ACVR1B: variants seen among roughly 807,000 people sequenced by gnomAD.
ACVR1B encodes activin receptor type-1B.
In ACVR1B, 15 loss-of-function variants were observed where a neutral mutation model predicts 55.6. That is an observed-to-expected ratio of 0.27 (90% CI 0.18 to 0.42). The LOEUF (loss-of-function observed/expected upper bound fraction) is 0.42. Among genes scored for constraint, ACVR1B ranks in the 10% least tolerant of loss-of-function variants. ACVR1B has a pLI of 1.00. For synonymous variants in ACVR1B, 247 were observed against 254.6 expected (o/e 0.97, Z 0.28); for missense variants, 359 against 670.1 (o/e 0.54, Z 5.13).
At chr12:51,983,881 G>A (rs1394539613) in intron 4 of ACVR1B, 118 bp from the exon 5 acceptor site, 14 of 1,023,182 alleles carry the variant, frequency 1.4e-5, no homozygotes, top group Non-Finnish European at 1.7e-5. Context: ...CATGGAGGTG[G>A]GAAATGTGAA....
intron 1 of ACVR1B, among the ~76,000 whole-genome samples, chr12:51,964,989 G>GA (rs1941612254): frequency 6.7e-6 from 1 of 149,540 alleles, no homozygotes; most frequent in Non-Finnish European, 1.5e-5. Context: ...TTCATTTCTG[G>GA]AAAAAAACAA....
At chr12:51,966,530 C>T (rs1018509234) in intron 1 of ACVR1B, among the ~76,000 whole-genome samples, 1 of 152,214 alleles carries the variant, frequency 6.6e-6, no homozygotes, top group Non-Finnish European at 1.5e-5. Flanking sequence ...CTCACTTCAG[C>T]TTCAGTCTCC....
intron 1 of ACVR1B, among the ~76,000 whole-genome samples, chr12:51,971,251 T>G (rs1324148617): frequency 6.6e-6 from 1 of 152,274 alleles, no homozygotes; most frequent in African/African-American, 2.4e-5. Flanking sequence ...ATTTACATCC[T>G]ACCACAAACC....
intron 3 of ACVR1B, among the ~76,000 whole-genome samples, chr12:51,978,659 G>T (rs1044977562): frequency 6.7e-6 from 1 of 148,370 alleles, no homozygotes; most frequent in Non-Finnish European, 1.5e-5. Context: ...GTGAAACCCT[G>T]TCTCTACTAA....
chr12:51,993,899 G>A, intron 8 of ACVR1B, 86 bp from the exon 9 acceptor site: 1 of 1,556,946 alleles, frequency 6.4e-7, no homozygotes, highest in Non-Finnish European at 8.7e-7. Flanking sequence ...TGAGCGGGAG[G>A]TGGCAGGGAA....
intron 4 of ACVR1B, among the ~76,000 whole-genome samples, chr12:51,982,275 T>G (rs568435659): frequency 6.6e-6 from 1 of 152,304 alleles, no homozygotes; most frequent in Non-Finnish European, 1.5e-5. Flanking sequence ...GCAAGTAACT[T>G]GGATGGCTGT....
In ACVR1B at chr12:51,985,307, C is replaced by T. The variant is rs756180496; in HGVS notation, c.1095C>T (p.Asp365=). 6 of 1,613,484 alleles carry T rather than the reference C, an allele frequency of 3.7e-6. No individual in the cohort carries two copies. In the Admixed American group the frequency reaches 8.3e-5, roughly 22 times the overall value. Residue 365 remains aspartate (D), a synonymous_variant, in exon 6 of 9, where the codon GAC becomes GAT. Coordinates refer to ENST00000257963, the MANE Select transcript of ACVR1B (RefSeq NM_004302.5). ...CTGTCCGTCATGATGCAGTCACTGA[C>T]ACCATTGACATTGCCCCGAATCAGA... ...GLAVRHDAVT[D]TIDIAPNQRV... is the part of the protein sequence containing the mutation.
intron 4 of ACVR1B, among the ~76,000 whole-genome samples, chr12:51,981,885 G>A (rs1941987976): frequency 6.6e-6 from 1 of 152,170 alleles, no homozygotes; most frequent in Non-Finnish European, 1.5e-5. Context: ...CCTAGGATGA[G>A]GAATTGCGGC....
At position 51,952,199 on chromosome 12, in the gene ACVR1B, C is replaced by T. The variant is rs531440146; in HGVS notation, c.91+365C>T. Among the ~76,000 whole-genome samples, 3 of 152,188 alleles carry T rather than the reference C, an allele frequency of 2.0e-5. No individual in the cohort carries two copies. In the East Asian group the frequency reaches 5.8e-4, roughly 29 times the overall value. On this transcript the variant is annotated intron_variant, in intron 1 of 8. Coordinates refer to ENST00000257963, the MANE Select transcript of ACVR1B (RefSeq NM_004302.5). Reference sequence around the variant, plus strand: ...TTCTGCCCTTCACCGTGTCCAGGGGCGGGGGGCTTTCTTCCCTCCCTCCAG... The same window carrying T: ...TTCTGCCCTTCACCGTGTCCAGGGGTGGGGGGCTTTCTTCCCTCCCTCCAG...
At chr12:51,954,543 T>C (rs912902085) in intron 1 of ACVR1B, among the ~76,000 whole-genome samples, 5 of 152,230 alleles carry the variant, frequency 3.3e-5, no homozygotes, top group Admixed American at 6.5e-5. Context: ...AGTGCAGTCT[T>C]GTAGAGACCT....
chr12:51,973,316 A>G (rs936113628), intron 1 of ACVR1B, among the ~76,000 whole-genome samples: 2 of 152,234 alleles, frequency 1.3e-5, no homozygotes, highest in African/African-American at 4.8e-5. Context: ...TGCTTCCCAA[A>G]ATAGAACCAA....
chr12:51,985,401 A>G, intron 6 of ACVR1B, 53 bp downstream of exon 6: 1 of 1,549,088 alleles, frequency 6.5e-7, no homozygotes, highest in Non-Finnish European at 8.7e-7. Context: ...TGAGTATCCC[A>G]TCTGTGCCGT....
At chr12:51,980,910 G>A (rs1941964915) in intron 3 of ACVR1B, 59 bp from the exon 4 acceptor site, 1 of 1,454,576 alleles carries the variant, frequency 6.9e-7, no homozygotes, top group Non-Finnish European at 9.4e-7. Context: ...ATTAGTGTGG[G>A]AGTTGGAAAA....
intron 1 of ACVR1B, among the ~76,000 whole-genome samples, chr12:51,957,952 G>T (rs960214989): frequency 6.6e-6 from 1 of 152,132 alleles, no homozygotes; most frequent in Non-Finnish European, 1.5e-5. Context: ...CTGCAGAAAG[G>T]ATAACTTGTT....
chr12:51,992,034 T>G lies in ACVR1B; in HGVS notation c.1392+41T>G, dbSNP rs368700328. 5.0e-5 allele frequency: 81 copies of G among 1,614,142 alleles called. No homozygotes were observed. The African/African-American group carries it at 9.6e-4, about 19-fold the overall frequency. ...CCTGCGGCTTTCCCATCAGCCTGAT[T>G]TCTCCACCTTAGAAAAGGGTTTCTT... On this transcript the variant is annotated intron_variant, in intron 8 of 8. Transcript: ENST00000257963.
chr12:51,955,999 C>A (rs1318574929), intron 1 of ACVR1B, among the ~76,000 whole-genome samples: 1 of 152,242 alleles, frequency 6.6e-6, no homozygotes, highest in African/African-American at 2.4e-5. Flanking sequence ...GGCACCATTT[C>A]TGTCCATGTC....
chr12:51,964,280 G>A (rs960379575), intron 1 of ACVR1B, among the ~76,000 whole-genome samples: 39 of 152,258 alleles, frequency 2.6e-4, no homozygotes, highest in South Asian at 4.1e-4. Context: ...AGTTGGGACC[G>A]CAGGCATGCA....
rs887728574 is a variant in ACVR1B, at chr12:51,992,090, CT to C, written c.1392+98del. On this transcript the variant is annotated intron_variant, in intron 8 of 8. Coordinates refer to ENST00000257963, the MANE Select transcript of ACVR1B (RefSeq NM_004302.5). ...TGGGGTCAGGCCCCAGAGGAGCCCC[CT>C]GAGAGTGTCAGTTATTATTTACTAT... 3 of 1,487,364 alleles carry C rather than the reference CT, an allele frequency of 2.0e-6. No individual in the cohort carries two copies. In the African/African-American group the frequency reaches 4.2e-5, roughly 21 times the overall value. 92.1% of individuals were successfully genotyped at this position (1,487,364 alleles called of 1,614,324 possible).
chr12:51,981,767 G>T (rs1052036560), intron 4 of ACVR1B, among the ~76,000 whole-genome samples: 1 of 151,974 alleles, frequency 6.6e-6, no homozygotes, highest in Non-Finnish European at 1.5e-5. Context: ...AGGAGGCGGA[G>T]GTTGCAGTGA....
Sources: allele counts gnomAD v4.1 joint callset (sites outside exome capture counted in the v4.1 genomes callset), GRCh38; gene constraint gnomAD v4.1.1; transcripts MANE v1.5; gene names NCBI Gene and HGNC (gene_info 2026-07-23, HGNC 2026-07-21).